CDH18: variants seen among roughly 807,000 people sequenced by gnomAD.
CDH18 encodes the protein cadherin 18.
A neutral mutation model predicts 67.9 loss-of-function variants in CDH18; 31 were observed. The ratio of observed to expected loss-of-function variants is 0.46; its 90% CI spans 0.34 to 0.62. The LOEUF is 0.62. CDH18 is among the 20% of genes least tolerant of loss of function. The pLI is 0.01. For synonymous variants in CDH18, 362 were observed against 347.2 expected (o/e 1.04, Z -0.48); for missense variants, 890 against 975.5 (o/e 0.91, Z 1.17).
At chr5:20,178,431 C>G (rs919275647) in intron 2 of CDH18, among the ~76,000 whole-genome samples, 2 of 151,000 alleles carry the variant, frequency 1.3e-5, no homozygotes, top group African/African-American at 4.9e-5. Context: ...TTCTCATTTT[C>G]AACAATATTT....
At chr5:19,850,238 C>T (rs956229873) in intron 2 of CDH18, among the ~76,000 whole-genome samples, 6 of 151,670 alleles carry the variant, frequency 4.0e-5, no homozygotes, top group South Asian at 2.1e-4. Flanking sequence ...TTTCAGCATT[C>T]GACTCATATT....
intron 2 of CDH18, among the ~76,000 whole-genome samples, chr5:20,246,033 G>C (rs1426080363): frequency 6.6e-6 from 1 of 152,066 alleles, no homozygotes; most frequent in Non-Finnish European, 1.5e-5. Flanking sequence ...ACAATTTGTG[G>C]AAAGAGAAGC....
chr5:19,601,268 A>C (rs1486663961), intron 6 of CDH18, among the ~76,000 whole-genome samples: 1 of 152,198 alleles, frequency 6.6e-6, no homozygotes, highest in Non-Finnish European at 1.5e-5. Flanking sequence ...AATCAGAAAT[A>C]AAGTAGAAAC....
intron 3 of CDH18, among the ~76,000 whole-genome samples, chr5:19,832,466 AG>A (rs1781158612): frequency 6.6e-6 from 1 of 152,106 alleles, no homozygotes; most frequent in Non-Finnish European, 1.5e-5. Context: ...TTTCTGTGAC[AG>A]GGAGGAATAG....
intron 1 of CDH18, among the ~76,000 whole-genome samples, chr5:20,515,637 G>A (rs1036351993): frequency 4.6e-5 from 7 of 152,034 alleles, no homozygotes; most frequent in African/African-American, 1.7e-4. Context: ...AATTCAATGT[G>A]TCTAAGACAA....
At chr5:19,916,018 T>C (rs977413362) in intron 2 of CDH18, among the ~76,000 whole-genome samples, 3 of 152,226 alleles carry the variant, frequency 2.0e-5, no homozygotes, top group African/African-American at 7.2e-5. Flanking sequence ...CCAGCCATTA[T>C]TGAAGGATTC....
At chr5:20,397,220 T>G (rs1298734256) in intron 1 of CDH18, among the ~76,000 whole-genome samples, 9 of 152,112 alleles carry the variant, frequency 5.9e-5, no homozygotes, top group Admixed American at 5.9e-4. Flanking sequence ...AACATCCGCC[T>G]CCTGGGTTCA....
chr5:19,503,224 TG>T (rs1258543896), intron 10 of CDH18, 115 bp from the exon 11 acceptor site: 1 of 599,668 alleles, frequency 1.7e-6, no homozygotes, highest in Non-Finnish European at 2.9e-6. Flanking sequence ...TCTTCCAACT[TG>T]AGTTATTTTT....
At chr5:19,719,753 T>A (rs1581043100) in intron 5 of CDH18, among the ~76,000 whole-genome samples, 1 of 151,878 alleles carries the variant, frequency 6.6e-6, no homozygotes, top group Non-Finnish European at 1.5e-5. Context: ...TATTCTACAA[T>A]TATAATGCAT....
chr5:19,958,313 C>T (rs1796459951), intron 2 of CDH18, among the ~76,000 whole-genome samples: 1 of 135,542 alleles, frequency 7.4e-6, no homozygotes. Flanking sequence ...TTATATCCAG[C>T]TTAAAATATT....
At chr5:19,722,777 G>A (rs1766278150) in intron 4 of CDH18, among the ~76,000 whole-genome samples, 1 of 151,590 alleles carries the variant, frequency 6.6e-6, no homozygotes, top group African/African-American at 2.4e-5. Flanking sequence ...TACTAATTTG[G>A]GTTATCTATC....
At chr5:19,838,346 C>T (rs1033668732) in intron 3 of CDH18, among the ~76,000 whole-genome samples, 5 of 151,928 alleles carry the variant, frequency 3.3e-5, no homozygotes, top group African/African-American at 1.2e-4. Flanking sequence ...TTCTTTTTAG[C>T]CACATGTGCA....
At chr5:20,417,206 T>C (rs1470709042) in intron 1 of CDH18, among the ~76,000 whole-genome samples, 3 of 152,166 alleles carry the variant, frequency 2.0e-5, no homozygotes, top group Non-Finnish European at 4.4e-5. Flanking sequence ...TAAGCCATGA[T>C]GTATATTTAA....
chr5:20,529,751 A>T (rs768950647), intron 1 of CDH18, among the ~76,000 whole-genome samples: 36 of 152,082 alleles, frequency 2.4e-4, no homozygotes, highest in Non-Finnish European at 4.1e-4. Flanking sequence ...AAATAATAAG[A>T]GTCATATATG....
intron 5 of CDH18, among the ~76,000 whole-genome samples, chr5:19,668,417 T>A (rs906456677): frequency 1.3e-5 from 2 of 152,072 alleles, no homozygotes; most frequent in East Asian, 3.9e-4. Flanking sequence ...AACATCCGCT[T>A]ATATTAAAAG....
At chr5:20,281,775 T>C (rs1449596377) in intron 1 of CDH18, among the ~76,000 whole-genome samples, 1 of 152,182 alleles carries the variant, frequency 6.6e-6, no homozygotes, top group Non-Finnish European at 1.5e-5. Context: ...TTGATGGGGA[T>C]GGCATTGAAT....
Position 20,165,360 on chromosome 5 carries a change from T to C in CDH18, c.-518+90084A>G, listed in dbSNP as rs138915655. 4.4e-4 allele frequency among the ~76,000 whole-genome samples: 67 copies of C among 152,198 alleles called. 1 individual carries two copies. The East Asian group carries it at 0.011, about 26-fold the overall frequency. On this transcript the variant is annotated intron_variant, in intron 2 of 14. Coordinates refer to the CDH18 transcript ENST00000507958. ...CTACACTTTGAGGATAGAGAAATGA[T>C]TAAAGGACAATCTCTGTCATTTGAG...
intron 8 of CDH18, among the ~76,000 whole-genome samples, chr5:19,570,815 T>C (rs1171290975): frequency 1.3e-5 from 2 of 152,178 alleles, no homozygotes; most frequent in African/African-American, 4.8e-5. Context: ...ACTTATTATA[T>C]GCTGGGCAAT....
chr5:19,736,343 C>T (rs1470600672), intron 4 of CDH18, among the ~76,000 whole-genome samples: 2 of 152,042 alleles, frequency 1.3e-5, no homozygotes, highest in Admixed American at 1.3e-4. Flanking sequence ...ATCGTGCTGC[C>T]ACTGCACTCT....
Sources: gnomAD v4.1 joint callset for allele counts (sites outside exome capture counted in the v4.1 genomes callset) on GRCh38, gnomAD v4.1.1 for gene constraint, MANE v1.5 for transcripts, NCBI Gene and HGNC (gene_info 2026-07-23, HGNC 2026-07-21) for gene names.